Variants in FKBP4 observed in about 807,000 individuals in gnomAD.
FKBP4 encodes FKBP prolyl isomerase 4, also known as peptidyl-prolyl cis-trans isomerase FKBP4.
FKBP4 carries 28 observed loss-of-function variants against 54.1 expected under a neutral mutation model. The ratio of observed to expected loss-of-function variants is 0.52; its 90% CI spans 0.38 to 0.71. The LOEUF is 0.71. Among genes scored for constraint, FKBP4 ranks in the 30% least tolerant of loss-of-function variants. The pLI is 0.00. For missense variants in FKBP4, 493 were observed against 574.4 expected (o/e 0.86, Z 1.45); for synonymous variants, 223 against 216.1 (o/e 1.03, Z -0.28).
chr12:2,796,637 T>G (rs982137273), intron 1 of FKBP4: 1 of 1,144,610 alleles, frequency 8.7e-7, no homozygotes, highest in Non-Finnish European at 1.1e-6. Context: ...TGTTTTGAAC[T>G]GTTTCTATTC....
chr12:2,803,534 CCT>C lies in FKBP4; in HGVS notation c.*279_*280del. The C allele has an allele frequency of 2.9e-6, 1 of 350,562 alleles. No individual in the cohort carries two copies. Among genetic ancestry groups the C allele is most frequent in the Non-Finnish European group, 5.4e-6 (1 of 184,624 alleles). The allele number at this position is 350,562 out of a possible 1,614,324, so 21.7% of individuals were successfully genotyped here. A position where few individuals can be genotyped will look rare whatever the true frequency, so the allele number is the denominator to read the frequency against. ...ATCAGAATGTTAATTTATTTTGCTC[CCT>C]CTGTTAGGTCCATTTTCTAAGGGTA... On this transcript the variant is annotated 3_prime_UTR_variant, in exon 10 of 10. Coordinates refer to ENST00000001008, the MANE Select transcript of FKBP4 (RefSeq NM_002014.4).
intron 3 of FKBP4, 48 bp downstream of exon 3, chr12:2,797,919 C>T: frequency 6.3e-7 from 1 of 1,575,444 alleles, no homozygotes; most frequent in East Asian, 2.3e-5. Flanking sequence ...GGCCTTATCT[C>T]AGCCCAATGC....
chr12:2,800,279 G>C, intron 7 of FKBP4, 113 bp from the exon 8 acceptor site: 1 of 1,386,980 alleles, frequency 7.2e-7, no homozygotes, highest in African/African-American at 1.4e-5. Flanking sequence ...CTTGCCAGTG[G>C]GAAGGGTGGG....
In FKBP4 at chr12:2,800,916, G is replaced by A. The variant is rs549219373; in HGVS notation, c.1033-201G>A. 3.3e-4 allele frequency among the ~76,000 whole-genome samples: 51 copies of A among 152,322 alleles called. No homozygotes were observed. In the South Asian group the frequency reaches 8.9e-3, roughly 27 times the overall value. ...TCTTTATTTCATCCAAAGACCTGCT[G>A]TCTTCCCTCTCTGCCTGTTGGATTA... On this transcript the variant is annotated intron_variant, in intron 8 of 9. Coordinates refer to ENST00000001008, the MANE Select transcript of FKBP4 (RefSeq NM_002014.4).
rs767909925 is a variant in FKBP4 at position 2,805,178 on chromosome 12, C to A, written c.*1920C>A. On this transcript the variant is annotated 3_prime_UTR_variant, in exon 10 of 10. Coordinates refer to ENST00000001008, the MANE Select transcript of FKBP4 (RefSeq NM_002014.4). ...TAACCCTATTTACAGATAAGAAAACCAAGACTCAGAAGTTAAATGGAAAGG... is the reference window on the plus strand; with the variant it reads ...TAACCCTATTTACAGATAAGAAAACAAAGACTCAGAAGTTAAATGGAAAGG... The A allele has an allele frequency of 8.8e-6, 4 of 455,872 alleles. No individual in the cohort carries two copies. Among genetic ancestry groups the A allele is most frequent in the South Asian group, 6.2e-5 (4 of 64,550 alleles). The allele number at this position is 455,872 out of a possible 1,614,324, so 28.2% of individuals were successfully genotyped here.
Position 2,797,155 on chromosome 12 carries a change from C to T in FKBP4, c.123C>T (p.Gly41=). The T allele has an allele frequency of 1.9e-6, 3 of 1,612,822 alleles. No homozygotes were observed. The highest frequency in any genetic ancestry group is 2.5e-6 in the Non-Finnish European group (3 of 1,179,834). Residue 41 remains glycine, a synonymous_variant, in exon 2 of 10, where the codon GGC becomes GGT. Transcript: ENST00000001008. ...CCTCCCAGGTCATCAAGAGAGAGGG[C>T]ACAGGTACAGAGATGCCCATGATTG... ...EGVLKVIKRE[G]TGTEMPMIGD...
At chr12:2,796,882 A>G (rs1214179657) in intron 1 of FKBP4, 5 of 1,298,036 alleles carry the variant, frequency 3.9e-6, no homozygotes, top group Non-Finnish European at 4.9e-6. Flanking sequence ...CTTACCATAC[A>G]GCGGAAACTT....
In FKBP4 at chr12:2,796,000, A is replaced by G; in HGVS notation, c.105+756A>G. 1.7e-6 allele frequency: 2 copies of G among 1,147,828 alleles called. No homozygotes were observed. The highest frequency in any genetic ancestry group is 2.2e-6 in the Non-Finnish European group (2 of 920,864). The allele number at this position is 1,147,828 out of a possible 1,614,324, so 71.1% of individuals were successfully genotyped here. On this transcript the variant is annotated intron_variant, in intron 1 of 9. Transcript: ENST00000001008. This position sits in a 1 kb window ranked among gnomAD's most constrained non-coding sequence, Gnocchi z 4.3. ...GCGGGGAGGAGGCGCTCTGCTGTGGAGCCTGCCGCCGAGTGACCGCTCGAC... is the reference window on the plus strand; with the variant it reads ...GCGGGGAGGAGGCGCTCTGCTGTGGGGCCTGCCGCCGAGTGACCGCTCGAC...
rs542967166 is a variant in FKBP4, at chr12:2,795,935, C to A, written c.105+691C>A. The A allele has an allele frequency of 9.8e-6, 10 of 1,024,452 alleles. No individual in the cohort carries two copies. The highest frequency in any genetic ancestry group is 9.4e-6 in the Non-Finnish European group (8 of 852,132). 63.5% of individuals were successfully genotyped at this position (1,024,452 alleles called of 1,614,324 possible). A position where few individuals can be genotyped will look rare whatever the true frequency, so the allele number is the denominator to read the frequency against. Reference sequence around the variant, plus strand: ...ATGCCGGGAGCTGTAGTCCCCTCCCCCCTCCGCCGCCTCCCGGAGCCAGGG... The same window carrying A: ...ATGCCGGGAGCTGTAGTCCCCTCCCACCTCCGCCGCCTCCCGGAGCCAGGG... On this transcript the variant is annotated intron_variant, in intron 1 of 9. Transcript: ENST00000001008. The surrounding 1 kb of genome is among the most constrained non-coding windows in gnomAD (Gnocchi z 4.3).
rs779972888 is a variant in FKBP4, at chr12:2,797,321, T to G, written c.250+39T>G. The G allele has an allele frequency of 5.0e-6, 8 of 1,610,698 alleles. No homozygotes were observed. In the South Asian group the frequency reaches 8.8e-5, roughly 18 times the overall value. On this transcript the variant is annotated intron_variant, in intron 2 of 9. Coordinates refer to ENST00000001008, the MANE Select transcript of FKBP4 (RefSeq NM_002014.4). ...GTGGGCTGGTAGGATAGGTTCGAGGTGGACACAAGCTGTCACAAGCAGAAA... is the reference window on the plus strand; with the variant it reads ...GTGGGCTGGTAGGATAGGTTCGAGGGGGACACAAGCTGTCACAAGCAGAAA...
At position 2,798,762 on chromosome 12, in the gene FKBP4, C is replaced by A. The variant is rs1463709459; in HGVS notation, c.450C>A (p.Ile150=). ...TGACGGAAGAGGAAGATGGCGGAAT[C>A]ATTCGCAGAATACAGACTCGCGGTG... is the stretch of plus-strand genomic sequence containing the variant. ...EDLTEEEDGG[I]IRRIQTRGEG... The change falls in exon 4 of 10, where the codon ATC becomes ATA. Residue 150 remains isoleucine (I), a synonymous_variant. Coordinates refer to ENST00000001008, the MANE Select transcript of FKBP4 (RefSeq NM_002014.4). This position sits in a 1 kb window ranked among gnomAD's most constrained non-coding sequence, Gnocchi z 4.3. The A allele has an allele frequency of 6.8e-6, 11 of 1,614,196 alleles. No individual in the cohort carries two copies. Among genetic ancestry groups the A allele is most frequent in the East Asian group, 2.2e-5 (1 of 44,882 alleles).
At chr12:2,799,476 G>T (rs963363685) in intron 5 of FKBP4, among the ~76,000 whole-genome samples, 1 of 152,146 alleles carries the variant, frequency 6.6e-6, no homozygotes, top group African/African-American at 2.4e-5. Flanking sequence ...CTGCCATCAA[G>T]ATTTTCCTCT....
intron 1 of FKBP4, chr12:2,796,691 C>A: frequency 9.3e-7 from 1 of 1,075,206 alleles, no homozygotes; most frequent in Non-Finnish European, 1.1e-6. Context: ...CAAACCAGAC[C>A]TTAGTCTGAC....
chr12:2,796,499 G>A (rs1485853181), intron 1 of FKBP4: 37 of 1,201,538 alleles, frequency 3.1e-5, no homozygotes, highest in Non-Finnish European at 9.5e-6. Context: ...CGCTAAAGAA[G>A]CCTTTACGTT....
intron 2 of FKBP4, 152 bp downstream of exon 2, chr12:2,797,434 T>C: frequency 1.1e-6 from 1 of 919,752 alleles, no homozygotes; most frequent in Non-Finnish European, 1.6e-6. Flanking sequence ...TTTTCTACCG[T>C]TCTGTAACTA....
rs1166507864 is a variant in FKBP4 at position 2,804,565 on chromosome 12, T to G, written c.*1307T>G. On this transcript the variant is annotated 3_prime_UTR_variant, in exon 10 of 10. Transcript: ENST00000001008. Reference sequence around the variant, plus strand: ...GAAGCCAGGCAGCACAAGCCAGTCATGCTGAGCTGCCTCCAGATAATCCTG... The same window carrying G: ...GAAGCCAGGCAGCACAAGCCAGTCAGGCTGAGCTGCCTCCAGATAATCCTG... The G allele has an allele frequency of 6.6e-6, 1 of 152,364 alleles. No individual in the cohort carries two copies. The highest frequency in any genetic ancestry group is 1.5e-5 in the Non-Finnish European group (1 of 68,156). The allele number at this position is 152,364 out of a possible 1,614,324, so 9.4% of individuals were successfully genotyped here.
At chr12:2,800,658 T>A in intron 8 of FKBP4, 81 bp downstream of exon 8, 1 of 1,383,992 alleles carries the variant, frequency 7.2e-7, no homozygotes, top group Non-Finnish European at 9.7e-7. Flanking sequence ...AACTTCCCCT[T>A]GGTGACTAGG....
chr12:2,795,173 G>T lies in FKBP4; in HGVS notation c.34G>T (p.Gly12Trp). Residue 12 changes from glycine (G) to tryptophan (W), a missense_variant, in exon 1 of 10, where the codon GGG becomes TGG. Transcript: ENST00000001008. This position sits in a 1 kb window ranked among gnomAD's most constrained non-coding sequence, Gnocchi z 4.3. ...CGAGGAGATGAAGGCGACCGAGAGCGGGGCGCAGTCGGCGCCGCTGCCCAT... is the reference window on the plus strand; with the variant it reads ...CGAGGAGATGAAGGCGACCGAGAGCTGGGCGCAGTCGGCGCCGCTGCCCAT... ...TAEEMKATES[G>W]AQSAPLPMEG... is the part of the protein sequence containing the mutation. The T allele has an allele frequency of 1.5e-6, 2 of 1,317,654 alleles. No individual in the cohort carries two copies. The highest frequency in any genetic ancestry group is 9.8e-7 in the Non-Finnish European group (1 of 1,024,886). The allele number at this position is 1,317,654 out of a possible 1,614,324, so 81.6% of individuals were successfully genotyped here.
chr12:2,798,981 A>G lies in FKBP4; in HGVS notation c.515-107A>G. On this transcript the variant is annotated intron_variant, in intron 4 of 9. Transcript: ENST00000001008. The surrounding 1 kb of genome is among the most constrained non-coding windows in gnomAD (Gnocchi z 4.3). ...TTCATATCACTCCAGATTTGAGAAC[A>G]CAGGAGAATCTTGGGATGATGGGGG... 1.4e-6 allele frequency: 2 copies of G among 1,416,478 alleles called. No homozygotes were observed. The highest frequency in any genetic ancestry group is 1.9e-6 in the Non-Finnish European group (2 of 1,037,272). 87.7% of individuals were successfully genotyped at this position (1,416,478 alleles called of 1,614,324 possible). A position where few individuals can be genotyped will look rare whatever the true frequency, so the allele number is the denominator to read the frequency against.
Sources: allele counts gnomAD v4.1 joint callset (sites outside exome capture counted in the v4.1 genomes callset), GRCh38; gene constraint gnomAD v4.1.1; non-coding constraint Gnocchi (gnomAD v3.1); transcripts MANE v1.5; gene names NCBI Gene and HGNC (gene_info 2026-07-23, HGNC 2026-07-21).